ZDHHC20: variants seen among roughly 807,000 people sequenced by gnomAD.
The protein encoded by ZDHHC20 is palmitoyltransferase ZDHHC20.
A neutral mutation model predicts 57.8 loss-of-function variants in ZDHHC20; 43 were observed. That is an observed-to-expected ratio of 0.74 (90% confidence interval 0.58 to 0.96). ZDHHC20 has a LOEUF of 0.96. ZDHHC20 is among the 40% of genes least tolerant of loss of function. The pLI, the probability that ZDHHC20 is intolerant of heterozygous loss-of-function variation, is 0.00. For synonymous variants in ZDHHC20, 157 were observed against 153.0 expected (o/e 1.03, Z -0.19); for missense variants, 391 against 441.1 (o/e 0.89, Z 1.02).
intron 1 of ZDHHC20, among the ~76,000 whole-genome samples, chr13:21,427,985 T>C (rs533197706): frequency 6.0e-4 from 92 of 152,186 alleles, no homozygotes; most frequent in Admixed American, 1.1e-3. Flanking sequence ...CTGACACTTG[T>C]AATTACTGGT....
chr13:21,415,689 T>C (rs1277555672), intron 3 of ZDHHC20, among the ~76,000 whole-genome samples: 1 of 152,220 alleles, frequency 6.6e-6, no homozygotes, highest in Non-Finnish European at 1.5e-5. Context: ...TAGAAAGTTA[T>C]TTCCTGACAT....
At chr13:21,403,866 TTAG>T (rs1210321023) in intron 4 of ZDHHC20, among the ~76,000 whole-genome samples, 3 of 152,182 alleles carry the variant, frequency 2.0e-5, no homozygotes, top group Non-Finnish European at 4.4e-5. Context: ...TTTTGTATTT[TTAG>T]TAGAGACAGG....
rs942717697 is a variant in ZDHHC20, at chr13:21,373,008, A to G, written c.*3688T>C. ...ATGAACCTTTCTGAATCTATATTAC[A>G]TTTTTAATTTAAATTGGAAAATACA... On this transcript the variant is annotated 3_prime_UTR_variant, in exon 13 of 13. Coordinates refer to ENST00000400590, the MANE Select transcript of ZDHHC20 (RefSeq NM_001330059.2). The G allele has an allele frequency of 1.3e-5, 2 of 152,176 alleles. No individual in the cohort carries two copies. The highest frequency in any genetic ancestry group is 4.8e-5 in the African/African-American group (2 of 41,460). The allele number at this position is 152,176 out of a possible 1,614,324, so 9.4% of individuals were successfully genotyped here. A position where few individuals can be genotyped will look rare whatever the true frequency, so the allele number is the denominator to read the frequency against.
intron 1 of ZDHHC20, among the ~76,000 whole-genome samples, chr13:21,427,147 CT>C (rs895879216): frequency 4.6e-5 from 7 of 152,064 alleles, no homozygotes; most frequent in African/African-American, 1.7e-4. Flanking sequence ...TCTCATTTTT[CT>C]TTTTTTCTTT....
At position 21,453,508 on chromosome 13, in the gene ZDHHC20, T is replaced by C. The variant is rs375005229; in HGVS notation, c.118+5546A>G. 2.1e-4 allele frequency among the ~76,000 whole-genome samples: 32 copies of C among 152,324 alleles called. 2 individuals are homozygous for C. In the East Asian group the frequency reaches 5.8e-3, roughly 28 times the overall value. ...ACCCAGCAACAAACAGCACAATACA[T>C]TGCTGAGTACAGACATATTTTTCGT... On this transcript the variant is annotated intron_variant, in intron 1 of 12. Transcript: ENST00000400590.
intron 1 of ZDHHC20, among the ~76,000 whole-genome samples, chr13:21,456,391 C>CTCCAGCTCAAAAAATACATATATAA (rs1884932980): frequency 6.6e-6 from 1 of 152,122 alleles, no homozygotes; most frequent in Non-Finnish European, 1.5e-5. Flanking sequence ...GCCTGGGCAA[C>CTCCAGCTCAAAAAATACATATATAA]AAGAGTGAAA....
intron 1 of ZDHHC20, among the ~76,000 whole-genome samples, chr13:21,436,986 A>T (rs1186962817): frequency 6.6e-6 from 1 of 152,214 alleles, no homozygotes; most frequent in Non-Finnish European, 1.5e-5. Context: ...AATAAAAAAA[A>T]TTAATTTTAA....
intron 7 of ZDHHC20, among the ~76,000 whole-genome samples, chr13:21,394,420 T>C (rs1164488580): frequency 1.3e-5 from 2 of 152,174 alleles, no homozygotes; most frequent in African/African-American, 4.8e-5. Context: ...CTTAAATCTC[T>C]TACCCTGCTC....
intron 4 of ZDHHC20, 72 bp from the exon 5 acceptor site, chr13:21,402,938 T>A: frequency 8.3e-7 from 1 of 1,209,576 alleles, no homozygotes; most frequent in Non-Finnish European, 1.2e-6. Flanking sequence ...AAAACTTGAT[T>A]TTCTAAAAAA....
intron 1 of ZDHHC20, among the ~76,000 whole-genome samples, chr13:21,440,988 C>A (rs1312911313): frequency 6.6e-6 from 1 of 152,166 alleles, no homozygotes; most frequent in Non-Finnish European, 1.5e-5. Flanking sequence ...CCTGCCCCCA[C>A]AGTTTTAATT....
chr13:21,428,949 TAC>T (rs749448800), intron 1 of ZDHHC20, among the ~76,000 whole-genome samples: 1 of 152,218 alleles, frequency 6.6e-6, no homozygotes, highest in African/African-American at 2.4e-5. Flanking sequence ...TAAATGTTTA[TAC>T]ATTTTTTTAT....
At chr13:21,395,563 G>A (rs1217738948) in intron 7 of ZDHHC20, among the ~76,000 whole-genome samples, 6 of 141,584 alleles carry the variant, frequency 4.2e-5, no homozygotes, top group East Asian at 2.1e-4. Context: ...GGCGTGATCC[G>A]TGATCTTGGC....
At chr13:21,415,264 T>C (rs866796993) in intron 3 of ZDHHC20, among the ~76,000 whole-genome samples, 2 of 152,252 alleles carry the variant, frequency 1.3e-5, no homozygotes, top group Non-Finnish European at 2.9e-5. Context: ...TTCTGTGTTC[T>C]ACTCTGGTAC....
chr13:21,390,716 G>C (rs776461977), intron 8 of ZDHHC20, among the ~76,000 whole-genome samples: 10 of 151,922 alleles, frequency 6.6e-5, no homozygotes, highest in Non-Finnish European at 1.3e-4. Context: ...CCTGGGCAAC[G>C]TAGCAAGACC....
chr13:21,418,938 G>A lies in ZDHHC20; in HGVS notation c.249+2123C>T, dbSNP rs114292878. Among the ~76,000 whole-genome samples, 1,017 of 152,200 alleles carry A rather than the reference G, an allele frequency of 6.7e-3. 15 individuals carry two copies. The highest frequency in any genetic ancestry group is 0.023 in the African/African-American group (942 of 41,506). On this transcript the variant is annotated intron_variant, in intron 3 of 12. Coordinates refer to ENST00000400590, the MANE Select transcript of ZDHHC20 (RefSeq NM_001330059.2). ...ATCTGCCTGCCTGCCTTGGCCTTCC[G>A]AAGTGCTGGATTACAGGCATAAGCC...
rs1879542761 is a variant in ZDHHC20 at position 21,413,707 on chromosome 13, T to G, written c.315A>C (p.Glu105Asp). 9.3e-6 allele frequency: 15 copies of G among 1,611,920 alleles called. No individual in the cohort carries two copies. The highest frequency in any genetic ancestry group is 1.2e-5 in the Non-Finnish European group (14 of 1,179,348). ...AAGCTCTTGCTGCTCTTCTCAAAAT[T>G]TCTTGTTGTCTTTCTTGGCTGAATT... ...EKEFSQERQQ[E>D]ILRRAARALP... Residue 105 changes from glutamate to aspartate, a missense_variant, in exon 4 of 13, where the codon GAA (glutamate) becomes GAC (aspartate). By Grantham distance (45) the Glu-to-Asp change is conservative (BLOSUM62 2). This residue lies in a region of ZDHHC20 where 185 missense variants were observed against 188.0 expected (regional missense o/e 0.98). Coordinates refer to ENST00000400590, the MANE Select transcript of ZDHHC20 (RefSeq NM_001330059.2).
chr13:21,457,089 C>T (rs1163273380), intron 1 of ZDHHC20, among the ~76,000 whole-genome samples: 1 of 152,152 alleles, frequency 6.6e-6, no homozygotes. Flanking sequence ...CCCTCTATGC[C>T]CACTAGCACA....
chr13:21,425,499 ATTACTAGATCTCCTT>A (rs1207494444), intron 2 of ZDHHC20, among the ~76,000 whole-genome samples, 138 bp downstream of exon 2: 3 of 152,182 alleles, frequency 2.0e-5, no homozygotes, highest in Non-Finnish European at 4.4e-5. Context: ...AAATAACCCC[ATTACTAGATCTCCTT>A]TTAATTACTT....
rs549803511 is a variant in ZDHHC20, at chr13:21,401,646, T to C, written c.473+7A>G. 107 of 1,538,100 alleles carry C rather than the reference T, an allele frequency of 7.0e-5. 2 individuals carry two copies. In the South Asian group the frequency reaches 1.3e-3, roughly 19 times the overall value. On this transcript the variant is annotated splice_region_variant and intron_variant, in intron 6 of 12. Coordinates refer to ENST00000400590, the MANE Select transcript of ZDHHC20 (RefSeq NM_001330059.2). ...CAATGCAATTTCTTCTGTTTTTTTA[T>C]ACATACCAAGGACAGTGATGATCCA...
Sources: allele counts gnomAD v4.1 joint callset (sites outside exome capture counted in the v4.1 genomes callset), GRCh38; gene constraint gnomAD v4.1.1; regional missense constraint gnomAD v4.1.1; transcripts MANE v1.5; gene names NCBI Gene and HGNC (gene_info 2026-07-23, HGNC 2026-07-21).